The following SLC25A48 variants were observed in gnomAD, a reference collection of about 807,000 sequenced individuals.
SLC25A48 encodes CTC-321K16.1.
A neutral mutation model predicts 32.2 loss-of-function variants in SLC25A48; 29 were observed. The observed-to-expected ratio is 0.90, with a 90% CI of 0.67 to 1.23. SLC25A48 has a LOEUF of 1.23. Among genes scored for constraint, SLC25A48 ranks in the 50% most tolerant of loss-of-function variants. The pLI is 0.00. For missense variants in SLC25A48, 399 were observed against 422.7 expected (o/e 0.94, Z 0.49); for synonymous variants, 164 against 172.3 (o/e 0.95, Z 0.38).
intron 1 of SLC25A48, among the ~76,000 whole-genome samples, chr5:135,597,070 G>A (rs1274645386): frequency 6.6e-6 from 1 of 152,178 alleles, no homozygotes; most frequent in African/African-American, 2.4e-5. Context: ...ATATCAGACA[G>A]GGCTCTTAAC....
At chr5:135,656,532 TC>T (rs1753254092) in intron 3 of SLC25A48, among the ~76,000 whole-genome samples, 1 of 152,110 alleles carries the variant, frequency 6.6e-6, no homozygotes. Context: ...CTGGGGACTG[TC>T]CCCCTCTCTG....
intron 3 of SLC25A48, among the ~76,000 whole-genome samples, chr5:135,648,428 C>T (rs1011003343): frequency 6.6e-6 from 1 of 152,212 alleles, no homozygotes; most frequent in African/African-American, 2.4e-5. Flanking sequence ...ATTTTGAAAC[C>T]TCAAATCAGT....
In SLC25A48 at chr5:135,840,062, C is replaced by T. The variant is rs72791370; in HGVS notation, c.47-2354C>T. Among the ~76,000 whole-genome samples the T allele has an allele frequency of 8.7e-3, 1,321 of 152,238 alleles. 7 individuals carry two copies. Among genetic ancestry groups the T allele is most frequent in the Non-Finnish European group, 0.013 (884 of 68,020 alleles). On this transcript the variant is annotated intron_variant, in intron 1 of 7. Transcript: ENST00000681962. ...CAAAGGGCTTCTTAATCTAAGTGGC[C>T]TTAGGGCAGCCTTGGTTCTCTTCAA...
chr5:135,605,427 G>T (rs1281791222), intron 1 of SLC25A48, among the ~76,000 whole-genome samples: 8 of 152,184 alleles, frequency 5.3e-5, no homozygotes, highest in Non-Finnish European at 2.9e-5. Context: ...TGACTGCCTT[G>T]TCCACAGTGA....
intron 3 of SLC25A48, among the ~76,000 whole-genome samples, chr5:135,681,823 C>T (rs1406799796): frequency 6.6e-6 from 1 of 152,068 alleles, no homozygotes; most frequent in East Asian, 1.9e-4. Context: ...GAGGCAATGC[C>T]CTCTGAATGT....
At chr5:135,873,961 A>G in intron 5 of SLC25A48, 60 bp from the exon 6 acceptor site, 1 of 1,469,252 alleles carries the variant, frequency 6.8e-7, no homozygotes, top group Non-Finnish European at 8.9e-7. Context: ...TCTGCAAGGA[A>G]CCAGGCCCCT....
At chr5:135,835,024 G>A in intron 1 of SLC25A48, 131 bp downstream of exon 1, 1 of 1,151,030 alleles carries the variant, frequency 8.7e-7, no homozygotes, top group Non-Finnish European at 1.3e-6. Context: ...CTGCTTTGGG[G>A]AGTGCCCGGC....
At chr5:135,879,120 T>C (rs141460769) in intron 6 of SLC25A48, among the ~76,000 whole-genome samples, 3 of 152,254 alleles carry the variant, frequency 2.0e-5, no homozygotes, top group Non-Finnish European at 4.4e-5. Flanking sequence ...ACAGGTGTCA[T>C]GGAGTAGCAA....
chr5:135,848,380 A>G (rs1407331969), intron 2 of SLC25A48, among the ~76,000 whole-genome samples: 1 of 152,064 alleles, frequency 6.6e-6, no homozygotes, highest in Non-Finnish European at 1.5e-5. Context: ...GCACCCCTCC[A>G]CCACCTGGCC....
At chr5:135,857,395 G>A (rs1286766940) in intron 4 of SLC25A48, among the ~76,000 whole-genome samples, 2 of 152,218 alleles carry the variant, frequency 1.3e-5, no homozygotes, top group Non-Finnish European at 2.9e-5. Flanking sequence ...GAGCTGAGCA[G>A]CCACCATTAG....
intron 1 of SLC25A48, among the ~76,000 whole-genome samples, chr5:135,610,471 C>T (rs937924810): frequency 5.3e-5 from 8 of 152,096 alleles, no homozygotes; most frequent in Non-Finnish European, 1.2e-4. Flanking sequence ...TATTTACTTG[C>T]CCTGATAGGT....
intron 1 of SLC25A48, among the ~76,000 whole-genome samples, chr5:135,836,184 G>A (rs1758489892): frequency 6.6e-6 from 1 of 152,180 alleles, no homozygotes; most frequent in Non-Finnish European, 1.5e-5. Context: ...CTGAGTCAGA[G>A]TAGTTCCAAG....
intron 3 of SLC25A48, among the ~76,000 whole-genome samples, chr5:135,676,777 C>T (rs12513955): frequency 0.039 from 5,876 of 151,954 alleles, 144 homozygotes; most frequent in African/African-American, 0.071. Flanking sequence ...CTCCAAATTT[C>T]CTCTTAATAT....
At chr5:135,876,118 T>C (rs1346164363) in intron 6 of SLC25A48, 1 of 128,594 alleles carries the variant, frequency 7.8e-6, no homozygotes, top group Non-Finnish European at 1.6e-5. Flanking sequence ...TTTTGTATCT[T>C]TTTTTTCTTC....
intron 1 of SLC25A48, among the ~76,000 whole-genome samples, chr5:135,610,372 G>T (rs1006173614): frequency 6.6e-6 from 1 of 152,112 alleles, no homozygotes. Context: ...GTGCACATTC[G>T]ATTTTTTTTG....
At chr5:135,804,172 C>A (rs1251950834) in intron 3 of SLC25A48, among the ~76,000 whole-genome samples, 1 of 151,364 alleles carries the variant, frequency 6.6e-6, no homozygotes, top group Non-Finnish European at 1.5e-5. Context: ...ACAGGGTACA[C>A]CTTCTGTGAC....
intron 1 of SLC25A48, among the ~76,000 whole-genome samples, chr5:135,618,442 C>T (rs1006032531): frequency 2.0e-5 from 3 of 151,924 alleles, no homozygotes; most frequent in African/African-American, 7.2e-5. Flanking sequence ...AGGGCTTATT[C>T]CTGTTATTTA....
intron 2 of SLC25A48, among the ~76,000 whole-genome samples, chr5:135,848,094 G>T (rs1162028717): frequency 6.6e-6 from 1 of 152,136 alleles, no homozygotes; most frequent in Non-Finnish European, 1.5e-5. Flanking sequence ...TTTGCTGCTG[G>T]CCTCAGTGCC....
chr5:135,707,053 C>G (rs1253889228), intron 3 of SLC25A48, among the ~76,000 whole-genome samples: 1 of 152,148 alleles, frequency 6.6e-6, no homozygotes, highest in African/African-American at 2.4e-5. Context: ...GGGGGCACTT[C>G]CAGTGAGGCA....
Sources: gnomAD v4.1 joint callset for allele counts (sites outside exome capture counted in the v4.1 genomes callset) on GRCh38, gnomAD v4.1.1 for gene constraint, MANE v1.5 for transcripts, NCBI Gene and HGNC (gene_info 2026-07-23, HGNC 2026-07-21) for gene names.